MAML2: variants seen among roughly 807,000 people sequenced by gnomAD.
The protein encoded by MAML2 is mastermind-like protein 2.
MAML2 carries 22 observed loss-of-function variants against 96.1 expected under a neutral mutation model. The ratio of observed to expected loss-of-function variants is 0.23; its 90% CI spans 0.16 to 0.33. The LOEUF (loss-of-function observed/expected upper bound fraction) is 0.33, where lower values mean the gene tolerates loss of function less well. MAML2 is among the 10% of genes least tolerant of loss of function. MAML2 has a pLI of 1.00. For synonymous variants in MAML2, 561 were observed against 521.3 expected, an observed-to-expected ratio of 1.08 and a Z score of -1.04; for missense variants, 1,367 against 1,392.4, an observed-to-expected ratio of 0.98 and a Z score of 0.29.
At chr11:96,005,713 G>A (rs946437342) in intron 2 of MAML2, among the ~76,000 whole-genome samples, 1 of 152,122 alleles carries the variant, frequency 6.6e-6, no homozygotes, top group African/African-American at 2.4e-5. Flanking sequence ...GGATTTTCAA[G>A]GCATAAGGTA....
intron 2 of MAML2, among the ~76,000 whole-genome samples, chr11:96,047,700 C>T (rs910582636): frequency 5.3e-5 from 8 of 151,766 alleles, no homozygotes; most frequent in African/African-American, 9.7e-5. Context: ...CACGAAGTCA[C>T]GAGCTCGAGA....
chr11:96,102,073 G>A (rs1189756128), intron 1 of MAML2, among the ~76,000 whole-genome samples: 1 of 152,132 alleles, frequency 6.6e-6, no homozygotes, highest in Admixed American at 6.5e-5. Flanking sequence ...TCAGGAGATC[G>A]AGACCATCCT....
intron 1 of MAML2, among the ~76,000 whole-genome samples, chr11:96,122,497 GGTGTGTGTGT>G (rs67940033): frequency 7.4e-5 from 10 of 135,682 alleles, no homozygotes; most frequent in Non-Finnish European, 1.3e-4. Context: ...TTTTAGGCTG[GGTGTGTGTGT>G]GTGTGTGTGT....
At chr11:96,267,166 A>T (rs1265147648) in intron 1 of MAML2, among the ~76,000 whole-genome samples, 1 of 152,228 alleles carries the variant, frequency 6.6e-6, no homozygotes, top group African/African-American at 2.4e-5. Context: ...ATTTGAAGAA[A>T]ACAATAGTGG....
At chr11:96,076,430 T>A (rs866704415) in intron 2 of MAML2, among the ~76,000 whole-genome samples, 1,483 of 136,414 alleles carry the variant, frequency 0.011, 16 homozygotes, top group South Asian at 0.025. Flanking sequence ...TCTCTCTCTC[T>A]CTCACACACA....
chr11:96,285,627 A>G (rs77099475), intron 1 of MAML2, among the ~76,000 whole-genome samples: 14 of 152,306 alleles, frequency 9.2e-5, no homozygotes, highest in African/African-American at 3.1e-4. Flanking sequence ...TTTGCAAGAA[A>G]AAAACCCCAA....
intron 1 of MAML2, among the ~76,000 whole-genome samples, chr11:96,210,307 C>T (rs111869846): frequency 0.054 from 8,225 of 152,140 alleles, 714 homozygotes; most frequent in African/African-American, 0.19. Flanking sequence ...TGGGGTTTCA[C>T]CATGTTGGCC....
intron 2 of MAML2, among the ~76,000 whole-genome samples, chr11:96,083,143 C>T (rs993332736): frequency 2.6e-5 from 4 of 152,304 alleles, no homozygotes; most frequent in East Asian, 3.9e-4. Context: ...ATTCTGATGT[C>T]GGTAGGAGCT....
chr11:96,109,632 G>A (rs979203977), intron 1 of MAML2, among the ~76,000 whole-genome samples: 14 of 152,164 alleles, frequency 9.2e-5, no homozygotes, highest in Admixed American at 3.3e-4. Context: ...ACAAATTTCC[G>A]GATTAGTGAC....
In MAML2 at chr11:96,045,987, G is replaced by A. The variant is rs187292708; in HGVS notation, c.2139+45905C>T. 4.8e-4 allele frequency among the ~76,000 whole-genome samples: 72 copies of A among 150,452 alleles called. 1 individual carries two copies. Among genetic ancestry groups the A allele is most frequent in the African/African-American group, 1.6e-3 (64 of 40,824 alleles). On this transcript the variant is annotated intron_variant, in intron 2 of 4. Transcript: ENST00000524717. The stretch of plus-strand genomic sequence containing the variant: ...GTTTTGTTAGGTCTTATTTCTGAAC[G>A]AAAGGCTGCTAACCCACAGAATTTA...
chr11:96,188,138 T>C (rs1285346497), intron 1 of MAML2, among the ~76,000 whole-genome samples: 1 of 152,230 alleles, frequency 6.6e-6, no homozygotes, highest in South Asian at 2.1e-4. Context: ...TGAGAACTCT[T>C]AGGTTTAGTG....
intron 2 of MAML2, among the ~76,000 whole-genome samples, chr11:96,040,932 C>A (rs1858797455): frequency 6.6e-6 from 1 of 152,176 alleles, no homozygotes; most frequent in Non-Finnish European, 1.5e-5. Flanking sequence ...AATCAGGCTT[C>A]TTTCTCTTCA....
chr11:96,300,377 A>G (rs1261294954), intron 1 of MAML2, among the ~76,000 whole-genome samples: 1 of 152,166 alleles, frequency 6.6e-6, no homozygotes, highest in Non-Finnish European at 1.5e-5. Context: ...AGCTACGACA[A>G]AACATGTTAA....
At chr11:96,267,846 G>T (rs1862852267) in intron 1 of MAML2, among the ~76,000 whole-genome samples, 1 of 152,296 alleles carries the variant, frequency 6.6e-6, no homozygotes, top group African/African-American at 2.4e-5. Context: ...TGAATCTGGG[G>T]TTTTTTACAC....
At chr11:96,037,631 CAG>C (rs1290400145) in intron 2 of MAML2, among the ~76,000 whole-genome samples, 3 of 152,174 alleles carry the variant, frequency 2.0e-5, no homozygotes, top group Non-Finnish European at 4.4e-5. Context: ...CAGGCCAATT[CAG>C]AGAGGACGTG....
chr11:96,163,371 G>T (rs1861143966), intron 1 of MAML2, among the ~76,000 whole-genome samples: 1 of 152,184 alleles, frequency 6.6e-6, no homozygotes, highest in South Asian at 2.1e-4. Flanking sequence ...TTTGTCTACA[G>T]TGGCTATTTC....
intron 1 of MAML2, among the ~76,000 whole-genome samples, chr11:96,340,026 G>A (rs1169524280): frequency 1.3e-5 from 2 of 152,178 alleles, no homozygotes; most frequent in African/African-American, 4.8e-5. Context: ...TGGCCTCAAG[G>A]AGTCCCATTC....
In MAML2 at chr11:95,978,939, C is replaced by T. The variant is rs1385062795; in HGVS notation, c.*9G>A. On this transcript the variant is annotated 3_prime_UTR_variant, in exon 5 of 5. Transcript: ENST00000524717. ...GCTTGGAGTTTGTAAATTGTCTTCC[C>T]TTTCTTCTTTAGGAATTGTTCCCCA... 1 of 1,595,464 alleles carries T rather than the reference C, an allele frequency of 6.3e-7. No homozygotes were observed. Among genetic ancestry groups the T allele is most frequent in the Non-Finnish European group, 8.5e-7 (1 of 1,171,454 alleles).
intron 1 of MAML2, among the ~76,000 whole-genome samples, chr11:96,186,126 G>A (rs1335738072): frequency 6.6e-6 from 1 of 152,200 alleles, no homozygotes; most frequent in Non-Finnish European, 1.5e-5. Flanking sequence ...TTAATAAGCT[G>A]CATCACATAC....
Sources: allele counts gnomAD v4.1 joint callset (sites outside exome capture counted in the v4.1 genomes callset), GRCh38; gene constraint gnomAD v4.1.1; transcripts MANE v1.5; gene names NCBI Gene and HGNC (gene_info 2026-07-23, HGNC 2026-07-21).